Variants in FRMD3 observed in about 807,000 individuals in gnomAD.
FRMD3 encodes FERM domain-containing protein 3.
A neutral mutation model predicts 70.2 loss-of-function variants in FRMD3; 33 were observed. That is an observed-to-expected ratio of 0.47 (90% confidence interval 0.36 to 0.63). FRMD3 has a LOEUF of 0.63. Ranked by LOEUF, FRMD3 falls within the 20% of genes least tolerant of loss-of-function variation. The pLI is 0.00. For synonymous variants in FRMD3, 279 were observed against 255.9 expected (o/e 1.09, Z -0.86); for missense variants, 632 against 711.4 (o/e 0.89, Z 1.27).
At position 83,342,807 on chromosome 9, in the gene FRMD3, C is replaced by T. The variant is rs918824382; in HGVS notation, c.472+383G>A. On this transcript the variant is annotated intron_variant, in intron 5 of 13. Transcript: ENST00000304195. ...ACCTATCTTCCTAGATGCAGATTCC[C>T]CTCTCAATATGTCCATTAGGCCTCT... Among the ~76,000 whole-genome samples, 8 of 152,192 alleles carry T rather than the reference C, an allele frequency of 5.3e-5. No individual in the cohort carries two copies. In the East Asian group the frequency reaches 9.7e-4, roughly 18 times the overall value.
At chr9:83,563,372 T>G in the FRMD3 span, among the ~76,000 whole-genome samples, 1 of 152,000 alleles carries the variant, frequency 6.6e-6, no homozygotes, top group Admixed American at 6.6e-5. Flanking sequence ...AGCCTCTGAG[T>G]AAAGGGTTGG....
chr9:83,291,962 AAGGAAATTTATG>A (rs1834437059), intron 12 of FRMD3, among the ~76,000 whole-genome samples: 1 of 152,138 alleles, frequency 6.6e-6, no homozygotes, highest in African/African-American at 2.4e-5. Flanking sequence ...ATGGGCTAGA[AAGGAAATTTATG>A]AGGACTTGCT....
In FRMD3 at chr9:83,490,788, TCTCTCTCTCTCA is replaced by T. The variant is rs1166280183; in HGVS notation, c.147+47285_147+47296del. Among the ~76,000 whole-genome samples, 699 of 121,782 alleles carry T rather than the reference TCTCTCTCTCTCA, an allele frequency of 5.7e-3. 8 individuals carry two copies. The highest frequency in any genetic ancestry group is 0.023 in the African/African-American group (631 of 27,414). 79.9% of individuals were successfully genotyped at this position (121,782 alleles called of 152,430 possible). On this transcript the variant is annotated intron_variant, in intron 1 of 13. Coordinates refer to ENST00000304195, the MANE Select transcript of FRMD3 (RefSeq NM_174938.6). ...TTCTCTCTCTCTCTCTCTCTCTCTC[TCTCTCTCTCTCA>T]CACACACACACACACACACACACAC...
chr9:83,342,075 T>TCTCTCTCTCTCTCTCTC (rs1823778104), intron 5 of FRMD3, among the ~76,000 whole-genome samples: 1 of 60,220 alleles, frequency 1.7e-5, no homozygotes, highest in Non-Finnish European at 3.4e-5. Flanking sequence ...CTCTCTCTCT[T>TCTCTCTCTCTCTCTCTC]TCCCCCAGCC....
intron 1 of FRMD3, among the ~76,000 whole-genome samples, chr9:83,510,952 C>T (rs1349272267): frequency 6.6e-6 from 1 of 152,178 alleles, no homozygotes; most frequent in Non-Finnish European, 1.5e-5. Context: ...GATGGATACA[C>T]AATTCTGTGA....
chr9:83,513,230 A>G (rs2131533487), intron 1 of FRMD3, among the ~76,000 whole-genome samples: 1 of 152,294 alleles, frequency 6.6e-6, no homozygotes, highest in African/African-American at 2.4e-5. Context: ...ACACAAAACT[A>G]CACCTCAGTG....
intron 1 of FRMD3, among the ~76,000 whole-genome samples, chr9:83,481,377 T>C (rs1465663558): frequency 7.2e-5 from 11 of 152,188 alleles, no homozygotes; most frequent in Admixed American, 6.5e-4. Context: ...CTTCTCCAGG[T>C]AGATTGTTTC....
intron 2 of FRMD3, among the ~76,000 whole-genome samples, chr9:83,376,611 C>CTTT (rs5898828): frequency 0.013 from 1,711 of 131,964 alleles, 28 homozygotes; most frequent in African/African-American, 0.047. Context: ...TGCTATATTC[C>CTTT]TTTTTTTTTT....
chr9:83,466,807 T>A (rs1828139679), intron 1 of FRMD3, among the ~76,000 whole-genome samples: 1 of 152,198 alleles, frequency 6.6e-6, no homozygotes, highest in Non-Finnish European at 1.5e-5. Context: ...GTATAGGTCA[T>A]GTGTGGGAGG....
At chr9:83,339,036 A>G (rs930958900) in intron 5 of FRMD3, among the ~76,000 whole-genome samples, 13 of 152,194 alleles carry the variant, frequency 8.5e-5, no homozygotes, top group Admixed American at 3.9e-4. Flanking sequence ...AAACTGGGTC[A>G]TCTTCAATGC....
intron 1 of FRMD3, among the ~76,000 whole-genome samples, chr9:83,535,647 G>A (rs369315995): frequency 8.6e-5 from 13 of 151,404 alleles, no homozygotes; most frequent in East Asian, 7.8e-4. Context: ...ATCAGCTATC[G>A]TTAGCGTTAG....
At chr9:83,350,107 C>T (rs186207229) in intron 3 of FRMD3, among the ~76,000 whole-genome samples, 10 of 152,150 alleles carry the variant, frequency 6.6e-5, no homozygotes, top group African/African-American at 2.4e-4. Context: ...TTGTGACAAA[C>T]AAATTGCACA....
At chr9:83,567,861 C>T in the FRMD3 span, among the ~76,000 whole-genome samples, 7 of 152,280 alleles carry the variant, frequency 4.6e-5, no homozygotes, top group Non-Finnish European at 5.9e-5. Flanking sequence ...TCCAAACTTT[C>T]CCACATTTTC....
chr9:83,362,122 C>T (rs1309119698), intron 3 of FRMD3, among the ~76,000 whole-genome samples: 2 of 152,060 alleles, frequency 1.3e-5, no homozygotes, highest in Admixed American at 6.6e-5. Context: ...CCAAGCTGGC[C>T]TCATGAGTAT....
At chr9:83,441,157 C>T (rs185433465) in intron 1 of FRMD3, among the ~76,000 whole-genome samples, 2 of 152,154 alleles carry the variant, frequency 1.3e-5, no homozygotes, top group East Asian at 1.9e-4. Context: ...ATGTTCTATG[C>T]GGCTACTGAG....
chr9:83,560,427 G>A, the FRMD3 span, among the ~76,000 whole-genome samples: 1 of 152,202 alleles, frequency 6.6e-6, no homozygotes, highest in Non-Finnish European at 1.5e-5. Flanking sequence ...AAATGTACAT[G>A]GAGCCAAACT....
chr9:83,456,325 T>C (rs955794060), intron 1 of FRMD3, among the ~76,000 whole-genome samples: 3 of 152,106 alleles, frequency 2.0e-5, no homozygotes, highest in Non-Finnish European at 2.9e-5. Flanking sequence ...TATGGAGAGG[T>C]TGTTTTCAAA....
In FRMD3 at chr9:83,310,537, C is replaced by T. The variant is rs1056728827; in HGVS notation, c.785G>A (p.Cys262Tyr). Reference protein sequence around the residue: ...RIHLIKWPDVCKLKFEGKTFY... With the variant: ...RIHLIKWPDVYKLKFEGKTFY... ...TGTCTTCCCTTCAAACTTCAATTTG[C>T]AGACATCTGGCCTAAGAAAAGAAAA... Residue 262 changes from cysteine to tyrosine, a missense_variant, in exon 9 of 14, where the codon TGC (cysteine) becomes TAC (tyrosine). By Grantham distance (194) the Cys-to-Tyr change is radical. Transcript: ENST00000304195. 2 of 1,602,402 alleles carry T rather than the reference C, an allele frequency of 1.2e-6. No homozygotes were observed. The highest frequency in any genetic ancestry group is 1.8e-5 in the Admixed American group (1 of 56,700).
chr9:83,558,284 G>A, the FRMD3 span, among the ~76,000 whole-genome samples: 43 of 152,146 alleles, frequency 2.8e-4, no homozygotes, highest in East Asian at 2.1e-3. Context: ...GTGTGCGCGC[G>A]CGCACGCACA....
Sources: gnomAD v4.1 joint callset for allele counts (sites outside exome capture counted in the v4.1 genomes callset) on GRCh38, gnomAD v4.1.1 for gene constraint, MANE v1.5 for transcripts, NCBI Gene and HGNC (gene_info 2026-07-23, HGNC 2026-07-21) for gene names.